The following RASA1 variants were observed in gnomAD, a reference collection of about 807,000 sequenced individuals.
RASA1 encodes the protein RAS p21 protein activator 1.
RASA1 carries 25 observed loss-of-function variants against 132.2 expected under a neutral mutation model. That is an observed-to-expected ratio of 0.19 (90% CI 0.14 to 0.26). The LOEUF (loss-of-function observed/expected upper bound fraction) is 0.26, where lower values mean the gene tolerates loss of function less well. RASA1 is among the 10% of genes least tolerant of loss of function. The pLI, the probability that RASA1 is intolerant of heterozygous loss-of-function variation, is 1.00. For synonymous variants in RASA1, 477 were observed against 449.9 expected (o/e 1.06, Z -0.76); for missense variants, 964 against 1,299.2 (o/e 0.74, Z 3.97).
At chr5:87,338,392 C>T (rs935549835) in intron 5 of RASA1, among the ~76,000 whole-genome samples, 18 of 149,512 alleles carry the variant, frequency 1.2e-4, no homozygotes, top group African/African-American at 3.9e-4. Flanking sequence ...AGTGCAGTGG[C>T]GTGATCTCGG....
chr5:87,339,889 A>G (rs1191760503), intron 5 of RASA1, among the ~76,000 whole-genome samples: 3 of 152,102 alleles, frequency 2.0e-5, no homozygotes, highest in Non-Finnish European at 4.4e-5. Context: ...CCATTTGGAC[A>G]TTGTCTAGTC....
intron 1 of RASA1, among the ~76,000 whole-genome samples, chr5:87,278,709 C>A (rs1754176661): frequency 6.6e-6 from 1 of 151,900 alleles, no homozygotes; most frequent in Non-Finnish European, 1.5e-5. Flanking sequence ...TACATATATT[C>A]ATTTGTGTGT....
chr5:87,268,904 G>T lies in RASA1; in HGVS notation c.453G>T (p.Gly151=), dbSNP rs778269579. ...PYLPPLGAGL[G]TVDEGDSLDG... Reference sequence around the variant, plus strand: ...TGCCCCCTTTGGGGGCGGGCCTCGGGACAGTGGACGAAGGTGACTCTCTGG... The same window carrying T: ...TGCCCCCTTTGGGGGCGGGCCTCGGTACAGTGGACGAAGGTGACTCTCTGG... Residue 151 remains glycine (G), a synonymous_variant, in exon 1 of 25, where the codon GGG becomes GGT. Transcript: ENST00000274376. 2 of 1,614,226 alleles carry T rather than the reference G, an allele frequency of 1.2e-6. No homozygotes were observed. The highest frequency in any genetic ancestry group is 2.7e-5 in the African/African-American group (2 of 75,064).
At chr5:87,323,117 T>C (rs985152648) in intron 1 of RASA1, among the ~76,000 whole-genome samples, 2 of 152,190 alleles carry the variant, frequency 1.3e-5, no homozygotes, top group African/African-American at 2.4e-5. Flanking sequence ...GATATTTCCA[T>C]GACTGTGAAT....
intron 1 of RASA1, among the ~76,000 whole-genome samples, chr5:87,319,269 C>T (rs368347063): frequency 1.3e-5 from 2 of 152,228 alleles, no homozygotes; most frequent in African/African-American, 4.8e-5. Flanking sequence ...GATGATGGCC[C>T]TCTTCCCACA....
chr5:87,388,212 T>TAAACCTTTAATCACTGAATG (rs1388403510), intron 23 of RASA1, among the ~76,000 whole-genome samples: 3 of 152,214 alleles, frequency 2.0e-5, no homozygotes, highest in African/African-American at 7.2e-5. Context: ...TTCATCGCTA[T>TAAACCTTTAATCACTGAATG]AAACCTTTAA....
chr5:87,272,201 A>G (rs1753874837), intron 1 of RASA1, among the ~76,000 whole-genome samples: 1 of 152,024 alleles, frequency 6.6e-6, no homozygotes, highest in Non-Finnish European at 1.5e-5. Flanking sequence ...TGAGAAATTC[A>G]TTGTGTGGGA....
chr5:87,337,448 A>G (rs1045178641), intron 4 of RASA1, among the ~76,000 whole-genome samples: 3 of 152,108 alleles, frequency 2.0e-5, no homozygotes, highest in African/African-American at 7.2e-5. Context: ...TGGTTTTTTT[A>G]TAAGAAAAAT....
At position 87,374,148 on chromosome 5, in the gene RASA1, T is replaced by TA. The variant is rs202147617; in HGVS notation, c.1777-15_1777-14insA. ...ATCTGGGGTAATATATATATATATA[T>TA]TTTTTTTTTTTTAGGTCAGCAGCCT... On this transcript the variant is annotated splice_polypyrimidine_tract_variant and intron_variant, in intron 13 of 24. Coordinates refer to ENST00000274376, the MANE Select transcript of RASA1 (RefSeq NM_002890.3). 9,575 of 486,472 alleles carry TA rather than the reference T, an allele frequency of 0.02. 13 individuals are homozygous for TA. Among genetic ancestry groups the TA allele is most frequent in the East Asian group, 0.024 (232 of 9,500 alleles). The allele number at this position is 486,472 out of a possible 1,614,324, so 30.1% of individuals were successfully genotyped here. A position where few individuals can be genotyped will look rare whatever the true frequency, so the allele number is the denominator to read the frequency against.
At chr5:87,362,758 G>A (rs1760211869) in intron 10 of RASA1, 87 bp downstream of exon 10, 3 of 1,459,610 alleles carry the variant, frequency 2.1e-6, no homozygotes, top group Non-Finnish European at 1.9e-6. Flanking sequence ...TATTTAATAA[G>A]TTTTGACATG....
chr5:87,296,233 G>A (rs11745383), intron 1 of RASA1, among the ~76,000 whole-genome samples: 52,821 of 151,722 alleles, frequency 0.35, 9,519 homozygotes, highest in East Asian at 0.48. Flanking sequence ...GGTTGTGTAA[G>A]TACTTTATAA....
chr5:87,326,864 T>C (rs1757268549), intron 1 of RASA1, among the ~76,000 whole-genome samples: 2 of 152,178 alleles, frequency 1.3e-5, no homozygotes, highest in Admixed American at 6.5e-5. Context: ...ATTAATGCCT[T>C]AGTAGAAAAA....
At chr5:87,342,531 T>C (rs186091939) in intron 6 of RASA1, among the ~76,000 whole-genome samples, 3 of 152,294 alleles carry the variant, frequency 2.0e-5, no homozygotes, top group African/African-American at 7.2e-5. Flanking sequence ...GGGTCAAGTA[T>C]ATATATTCCC....
chr5:87,333,844 A>G (rs1463224498), intron 4 of RASA1, among the ~76,000 whole-genome samples: 1 of 152,168 alleles, frequency 6.6e-6, no homozygotes, highest in Non-Finnish European at 1.5e-5. Flanking sequence ...GTTTCTTACC[A>G]TTAATTCTCT....
rs972697183 is a variant in RASA1 at position 87,376,530 on chromosome 5, A to G, written c.2149A>G (p.Ile717Val). ...TCGAGCACGATACTCTATGGAAAAA[A>G]TCATGCCAGAAGAAGAGTACAGTGA... is the stretch of plus-strand genomic sequence containing the variant. ...RVRARYSMEKIMPEEEYSEFK... is the reference protein window; with the variant it reads ...RVRARYSMEKVMPEEEYSEFK... Residue 717 changes from isoleucine (I) to valine (V), a missense_variant, in exon 16 of 25, where the codon ATC (isoleucine) becomes GTC (valine). This residue lies in a region of RASA1 where 346 missense variants were observed against 520.1 expected (regional missense o/e 0.67). Coordinates refer to ENST00000274376, the MANE Select transcript of RASA1 (RefSeq NM_002890.3). 5 of 1,613,950 alleles carry G rather than the reference A, an allele frequency of 3.1e-6. No homozygotes were observed. The Admixed American group carries it at 5.0e-5, about 16-fold the overall frequency.
In RASA1 at chr5:87,356,145, A is replaced by G. The variant is rs1273269788; in HGVS notation, c.1332+2910A>G. On this transcript the variant is annotated intron_variant, in intron 9 of 24. Transcript: ENST00000274376. ...AAAGCAGCAAGAGGGTTTGGGAGGA[A>G]TGCTTCCAGTTTTGAAAGAAGTTCA... 2.6e-5 allele frequency among the ~76,000 whole-genome samples: 4 copies of G among 152,184 alleles called. No homozygotes were observed. In the East Asian group the frequency reaches 5.8e-4, roughly 22 times the overall value.
intron 1 of RASA1, among the ~76,000 whole-genome samples, chr5:87,277,300 A>C (rs1754107957): frequency 6.6e-6 from 1 of 152,192 alleles, no homozygotes; most frequent in Non-Finnish European, 1.5e-5. Flanking sequence ...TTTTGGACTT[A>C]ATAGTTCCCC....
At chr5:87,370,789 G>C (rs1301856605) in intron 12 of RASA1, among the ~76,000 whole-genome samples, 2 of 152,094 alleles carry the variant, frequency 1.3e-5, no homozygotes, top group Admixed American at 1.3e-4. Flanking sequence ...AAGTGAAAGT[G>C]GCTTTGTTGG....
intron 14 of RASA1, 146 bp from the exon 15 acceptor site, chr5:87,374,694 A>G (rs1761199158): frequency 8.5e-7 from 1 of 1,176,188 alleles, no homozygotes; most frequent in South Asian, 1.5e-5. Context: ...AAATAATAAA[A>G]TATGTTGTGA....
Sources: gnomAD v4.1 joint callset for allele counts (sites outside exome capture counted in the v4.1 genomes callset) on GRCh38, gnomAD v4.1.1 for gene constraint, gnomAD v4.1.1 regional missense constraint, MANE v1.5 for transcripts, NCBI Gene and HGNC (gene_info 2026-07-23, HGNC 2026-07-21) for gene names.